SMURF1: variants seen among roughly 807,000 people sequenced by gnomAD.
SMURF1 encodes E3 ubiquitin-protein ligase SMURF1.
Under a neutral mutation model 98.0 loss-of-function variants are expected in SMURF1, and 44 were observed. The observed-to-expected ratio is 0.45, with a 90% CI of 0.35 to 0.58. SMURF1 has a LOEUF of 0.58. Among genes scored for constraint, SMURF1 ranks in the 20% least tolerant of loss-of-function variants. SMURF1 has a pLI of 0.00. For synonymous variants in SMURF1, 396 were observed against 374.9 expected (o/e 1.06, Z -0.65); for missense variants, 687 against 938.4 (o/e 0.73, Z 3.50).
intron 1 of SMURF1, among the ~76,000 whole-genome samples, chr7:99,125,369 G>A (rs1797723510): frequency 6.6e-6 from 1 of 152,184 alleles, no homozygotes; most frequent in South Asian, 2.1e-4. Context: ...TTACAGGCAT[G>A]AGCCACTGTG....
At chr7:99,077,312 C>CTTTTTTTTTATTTTTTTTA (rs1462771449) in intron 1 of SMURF1, among the ~76,000 whole-genome samples, 166 of 149,730 alleles carry the variant, frequency 1.1e-3, no homozygotes, top group African/African-American at 3.8e-3. Context: ...TAATCCACTT[C>CTTTTTTTTTATTTTTTTTA]TTTTTTTTTA....
At chr7:99,134,085 C>T (rs1446044332) in intron 1 of SMURF1, among the ~76,000 whole-genome samples, 1 of 131,798 alleles carries the variant, frequency 7.6e-6, no homozygotes, top group Non-Finnish European at 1.6e-5. Flanking sequence ...AGGAAAAGTG[C>T]TTCTCCACCC....
intron 1 of SMURF1, among the ~76,000 whole-genome samples, chr7:99,085,530 T>G (rs755174530): frequency 1.4e-4 from 22 of 152,282 alleles, no homozygotes; most frequent in Non-Finnish European, 2.9e-4. Context: ...AAGAACAGAC[T>G]AATACACCCA....
At chr7:99,115,281 C>T (rs1797412396) in intron 1 of SMURF1, among the ~76,000 whole-genome samples, 1 of 151,964 alleles carries the variant, frequency 6.6e-6, no homozygotes, top group African/African-American at 2.4e-5. Context: ...ATTTCAATCA[C>T]TAGAAATAAA....
chr7:99,036,462 A>T (rs1471469486), intron 15 of SMURF1: 2 of 147,072 alleles, frequency 1.4e-5, no homozygotes, highest in African/African-American at 5.1e-5. Context: ...TGAGCAACAG[A>T]GCGAGACCGT....
At position 99,032,902 on chromosome 7, in the gene SMURF1, G is replaced by A. The variant is rs1041740302; in HGVS notation, c.2096+135C>T. ...TTCTCCTTCTGTCTCAGGTGCTGTG[G>A]CTTTTGAGTTCTGATGATGACAAAA... On this transcript the variant is annotated intron_variant, in intron 17 of 17. Transcript: ENST00000361368. 2.0e-5 allele frequency: 21 copies of A among 1,043,014 alleles called. No individual in the cohort carries two copies. The African/African-American group carries it at 3.4e-4, about 17-fold the overall frequency. 64.6% of individuals were successfully genotyped at this position (1,043,014 alleles called of 1,614,324 possible). A position where few individuals can be genotyped will look rare whatever the true frequency, so the allele number is the denominator to read the frequency against.
chr7:99,042,294 C>G, intron 11 of SMURF1, 62 bp from the exon 12 acceptor site: 1 of 1,103,498 alleles, frequency 9.1e-7, no homozygotes, highest in Non-Finnish European at 1.3e-6. Context: ...TTTTTTTTTT[C>G]CCTGAGATGG....
At chr7:99,050,674 C>A in intron 8 of SMURF1, 1 of 384,394 alleles carries the variant, frequency 2.6e-6, no homozygotes. Context: ...AAAAGAGACA[C>A]CTCATTCATT....
At chr7:99,081,528 T>C (rs1032183398) in intron 1 of SMURF1, 1 of 152,238 alleles carries the variant, frequency 6.6e-6, no homozygotes, top group Non-Finnish European at 1.5e-5. Flanking sequence ...AGGAACTCTA[T>C]GTCCAACATT....
chr7:99,054,733 G>A, intron 6 of SMURF1, 57 bp downstream of exon 6: 1 of 1,494,418 alleles, frequency 6.7e-7, no homozygotes, highest in Admixed American at 1.7e-5. Context: ...TTTCCTATAG[G>A]CCGAGAGGTT....
At position 99,033,072 on chromosome 7, in the gene SMURF1, G is replaced by T. The variant is rs35405506; in HGVS notation, c.2061C>A (p.Asp687Glu). 6.3e-7 allele frequency: 1 copy of T among 1,592,616 alleles called. No individual in the cohort carries two copies. Among genetic ancestry groups the T allele is most frequent in the Non-Finnish European group, 8.6e-7 (1 of 1,168,870 alleles). Residue 687 changes from aspartate (D) to glutamate (E), a missense_variant, in exon 17 of 18, where the codon GAC (aspartate) becomes GAA (glutamate). By Grantham distance (45) the Asp-to-Glu change is conservative. Transcript: ENST00000361368. The part of the protein sequence containing the change: ...GPRLFTIHLI[D>E]ANTDNLPKAH... Reference sequence around the variant, plus strand: ...CCTTCGGAAGGTTGTCTGTGTTCGCGTCTATCAGGTGGATGGTGAACAGCC... The same window carrying T: ...CCTTCGGAAGGTTGTCTGTGTTCGCTTCTATCAGGTGGATGGTGAACAGCC...
rs899569977 is a variant in SMURF1, at chr7:99,029,637, G to A, written c.*947C>T. 7 of 152,216 alleles carry A rather than the reference G, an allele frequency of 4.6e-5. No individual in the cohort carries two copies. Among genetic ancestry groups the A allele is most frequent in the Non-Finnish European group, 8.8e-5 (6 of 68,048 alleles). 9.4% of individuals were successfully genotyped at this position (152,216 alleles called of 1,614,324 possible). On this transcript the variant is annotated 3_prime_UTR_variant, in exon 18 of 18. Coordinates refer to ENST00000361368, the MANE Select transcript of SMURF1 (RefSeq NM_181349.3). The stretch of plus-strand genomic sequence containing the variant: ...TTCACACCAAGCCAGCAGCTATGAT[G>A]ACACAATTTTGTTAGTTTAGCTCTT...
chr7:99,105,247 A>ATT (rs1018699107), intron 1 of SMURF1, among the ~76,000 whole-genome samples: 3 of 152,220 alleles, frequency 2.0e-5, no homozygotes, highest in African/African-American at 7.2e-5. Flanking sequence ...AAAGAAAGAC[A>ATT]TTTTTATCAC....
intron 1 of SMURF1, among the ~76,000 whole-genome samples, chr7:99,110,102 AAGAAT>A: frequency 6.6e-6 from 1 of 152,346 alleles, no homozygotes. Flanking sequence ...AACTATTATA[AAGAAT>A]AAGAATAATT....
intron 5 of SMURF1, among the ~76,000 whole-genome samples, chr7:99,056,576 AC>A (rs1194526754): frequency 6.6e-6 from 1 of 152,226 alleles, no homozygotes; most frequent in East Asian, 1.9e-4. Context: ...ATGTGTGGCC[AC>A]CATTCTTATT....
At chr7:99,049,377 TC>T (rs1308851877) in intron 9 of SMURF1, 185 bp downstream of exon 9, 13 of 620,982 alleles carry the variant, frequency 2.1e-5, no homozygotes. Flanking sequence ...ACATAGGGCT[TC>T]AGTGCTCTTC....
At chr7:99,104,183 C>T (rs1191654416) in intron 1 of SMURF1, among the ~76,000 whole-genome samples, 1 of 152,078 alleles carries the variant, frequency 6.6e-6, no homozygotes, top group Non-Finnish European at 1.5e-5. Flanking sequence ...CATGGTGCCC[C>T]GCCGGGACAC....
At chr7:99,056,977 C>A (rs377402056) in intron 5 of SMURF1, among the ~76,000 whole-genome samples, 771 of 98,912 alleles carry the variant, frequency 7.8e-3, no homozygotes, top group Non-Finnish European at 8.9e-3. Flanking sequence ...CACTCCATCT[C>A]AAAAAAAAAA....
chr7:99,074,985 A>G (rs188834042), intron 1 of SMURF1, among the ~76,000 whole-genome samples: 1 of 152,382 alleles, frequency 6.6e-6, no homozygotes, highest in Non-Finnish European at 1.5e-5. Context: ...AATGCACATG[A>G]AAACCACAGT....
Sources: gnomAD v4.1 joint callset for allele counts (sites outside exome capture counted in the v4.1 genomes callset) on GRCh38, gnomAD v4.1.1 for gene constraint, MANE v1.5 for transcripts, NCBI Gene and HGNC (gene_info 2026-07-23, HGNC 2026-07-21) for gene names.